Variants in RALGPS1 observed in about 807,000 individuals in gnomAD.
The protein encoded by RALGPS1 is Ral GEF with PH domain and SH3 binding motif 1, also known as ras-specific guanine nucleotide-releasing factor RalGPS1.
A neutral mutation model predicts 78.8 loss-of-function variants in RALGPS1; 19 were observed. The observed-to-expected ratio is 0.24, with a 90% CI of 0.17 to 0.35. The LOEUF is 0.35. Among genes scored for constraint, RALGPS1 ranks in the 10% least tolerant of loss-of-function variants. The pLI is 1.00. For synonymous variants in RALGPS1, 228 were observed against 256.3 expected (o/e 0.89, Z 1.06); for missense variants, 454 against 688.3 (o/e 0.66, Z 3.81).
intron 4 of RALGPS1, among the ~76,000 whole-genome samples, chr9:127,018,425 G>T (rs931936862): frequency 2.0e-5 from 3 of 152,030 alleles, no homozygotes; most frequent in African/African-American, 7.2e-5. Context: ...ATCACTTGAG[G>T]TCAGGAGTTC....
At chr9:127,096,052 C>G (rs1341965764) in intron 8 of RALGPS1, among the ~76,000 whole-genome samples, 2 of 152,178 alleles carry the variant, frequency 1.3e-5, no homozygotes, top group African/African-American at 4.8e-5. Flanking sequence ...GGCCTCTTCT[C>G]TAAGGGATGG....
chr9:127,021,497 CAAAA>C (rs397690141), intron 4 of RALGPS1, among the ~76,000 whole-genome samples: 3 of 113,588 alleles, frequency 2.6e-5, no homozygotes, highest in Non-Finnish European at 3.5e-5. Context: ...GACTCTGTCT[CAAAA>C]AAAAAAAAAA....
intron 7 of RALGPS1, among the ~76,000 whole-genome samples, chr9:127,063,887 T>G (rs1239413026): frequency 6.6e-6 from 1 of 151,908 alleles, no homozygotes; most frequent in Non-Finnish European, 1.5e-5. Context: ...AGTAATTGGG[T>G]TTTTCAGTTA....
chr9:127,028,335 T>A (rs927206933), intron 4 of RALGPS1, among the ~76,000 whole-genome samples: 1 of 152,268 alleles, frequency 6.6e-6, no homozygotes, highest in African/African-American at 2.4e-5. Flanking sequence ...TACCATCCAC[T>A]ACCTGTGTGG....
chr9:126,952,846 CAGAA>C (rs1424123776), intron 1 of RALGPS1, among the ~76,000 whole-genome samples: 2 of 152,120 alleles, frequency 1.3e-5, no homozygotes, highest in African/African-American at 4.8e-5. Flanking sequence ...GTGCATGACA[CAGAA>C]AGGAGGAAGA....
intron 5 of RALGPS1, among the ~76,000 whole-genome samples, chr9:127,034,715 C>T (rs2046714242): frequency 6.6e-6 from 1 of 152,206 alleles, no homozygotes; most frequent in South Asian, 2.1e-4. Flanking sequence ...ACATACCTTT[C>T]CTATGCTTAA....
intron 11 of RALGPS1, among the ~76,000 whole-genome samples, chr9:127,182,130 A>G (rs1273634801): frequency 6.6e-6 from 1 of 151,074 alleles, no homozygotes; most frequent in Admixed American, 6.6e-5. Context: ...TTGAGCCCAG[A>G]GTAGAGTTTG....
In RALGPS1 at chr9:127,221,563, C is replaced by T. The variant is rs1044149256; in HGVS notation, c.*2794C>T. 4 of 152,134 alleles carry T rather than the reference C, an allele frequency of 2.6e-5. No homozygotes were observed. The highest frequency in any genetic ancestry group is 4.4e-5 in the Non-Finnish European group (3 of 68,036). 9.4% of individuals were successfully genotyped at this position (152,134 alleles called of 1,614,324 possible). ...CAGGTGCATTCTGGCAACTGACATA[C>T]TTGATGGAGGATTGATTCGGTAGAG... On this transcript the variant is annotated 3_prime_UTR_variant, in exon 19 of 19. Transcript: ENST00000259351.
intron 7 of RALGPS1, among the ~76,000 whole-genome samples, chr9:127,067,493 T>C (rs1411613323): frequency 6.6e-6 from 1 of 152,198 alleles, no homozygotes; most frequent in East Asian, 1.9e-4. Flanking sequence ...CAGGGCTCCC[T>C]AATGCACCAG....
In RALGPS1 at chr9:127,091,569, C is replaced by A. The variant is rs1200026672; in HGVS notation, c.610+22213C>A. The A allele has an allele frequency of 4.7e-6, 7 of 1,491,068 alleles. No homozygotes were observed. Among genetic ancestry groups the A allele is most frequent in the Non-Finnish European group, 6.3e-6 (7 of 1,109,926 alleles). 92.4% of individuals were successfully genotyped at this position (1,491,068 alleles called of 1,614,324 possible). ...GGCAGCTTGGCCCAGCTGCTTCTCA[C>A]CCTGGGATCTTCCCGTTTCCAAGCC... On this transcript the variant is annotated intron_variant, in intron 8 of 18. Coordinates refer to ENST00000259351, the MANE Select transcript of RALGPS1 (RefSeq NM_014636.3). This position sits in a 1 kb window ranked among gnomAD's most constrained non-coding sequence, Gnocchi z 4.3.
chr9:126,989,994 AG>A, intron 4 of RALGPS1: 1 of 1,550,482 alleles, frequency 6.4e-7, no homozygotes, highest in Non-Finnish European at 8.7e-7. Context: ...CTGTGGGTCC[AG>A]GAACCTGACC....
chr9:127,028,563 G>C (rs563940565), intron 4 of RALGPS1, among the ~76,000 whole-genome samples: 1 of 152,168 alleles, frequency 6.6e-6, no homozygotes, highest in Non-Finnish European at 1.5e-5. Context: ...GAGTCCTACT[G>C]TCCAGGGACT....
At chr9:127,109,982 C>G (rs139431407) in intron 8 of RALGPS1, among the ~76,000 whole-genome samples, 2 of 152,206 alleles carry the variant, frequency 1.3e-5, no homozygotes, top group African/African-American at 2.4e-5. Flanking sequence ...CAGTCCTCAC[C>G]GTCTCCCCAA....
chr9:126,960,219 C>CCCTCCCTT lies in RALGPS1; in HGVS notation c.-65-2003_-65-2002insCCCTTCCT, dbSNP rs1554765760. ...TCCTTCCCTCCCTCCCTCCCTCCCT[C>CCCTCCCTT]CCTTCCTTCCTTCCTTTCTTCCTTT... On this transcript the variant is annotated intron_variant, in intron 1 of 18. Coordinates refer to ENST00000259351, the MANE Select transcript of RALGPS1 (RefSeq NM_014636.3). Among the ~76,000 whole-genome samples, 356 of 85,756 alleles carry CCCTCCCTT rather than the reference C, an allele frequency of 4.2e-3. 5 individuals are homozygous for CCCTCCCTT. The highest frequency in any genetic ancestry group is 0.014 in the African/African-American group (319 of 23,340). The allele number at this position is 85,756 out of a possible 152,430, so 56.3% of individuals were successfully genotyped here. A position where few individuals can be genotyped will look rare whatever the true frequency, so the allele number is the denominator to read the frequency against.
At position 127,091,224 on chromosome 9, in the gene RALGPS1, C is replaced by T. The variant is rs779959619; in HGVS notation, c.610+21868C>T. On this transcript the variant is annotated intron_variant, in intron 8 of 18. Transcript: ENST00000259351. This position sits in a 1 kb window ranked among gnomAD's most constrained non-coding sequence, Gnocchi z 4.3. Reference sequence around the variant, plus strand: ...TTCCAGATGCAGAAACTGAGACCCACGGAGATTTAGCAGTATGCCCAAGGA... The same window carrying T: ...TTCCAGATGCAGAAACTGAGACCCATGGAGATTTAGCAGTATGCCCAAGGA... Among the ~76,000 whole-genome samples, 2 of 152,212 alleles carry T rather than the reference C, an allele frequency of 1.3e-5. No individual in the cohort carries two copies. The highest frequency in any genetic ancestry group is 4.8e-5 in the African/African-American group (2 of 41,456).
rs528297677 is a variant in RALGPS1 at position 127,186,652 on chromosome 9, C to T, written c.911-8439C>T. ...TTGAATGGGAATTCTTCTGCTTCCGCGTCAGACCCAGGCTGTTGGTCAACA... is the reference window on the plus strand; with the variant it reads ...TTGAATGGGAATTCTTCTGCTTCCGTGTCAGACCCAGGCTGTTGGTCAACA... On this transcript the variant is annotated intron_variant, in intron 11 of 18. Transcript: ENST00000259351. Among the ~76,000 whole-genome samples, 40 of 152,346 alleles carry T rather than the reference C, an allele frequency of 2.6e-4. 1 individual carries two copies. In the East Asian group the frequency reaches 5.2e-3, roughly 20 times the overall value.
At chr9:126,986,670 A>G (rs2041831059) in intron 4 of RALGPS1, among the ~76,000 whole-genome samples, 1 of 152,232 alleles carries the variant, frequency 6.6e-6, no homozygotes, top group Admixed American at 6.5e-5. Context: ...ATGGAGCAGC[A>G]TCAAGGGGAA....
intron 6 of RALGPS1, among the ~76,000 whole-genome samples, chr9:127,051,559 C>T (rs1204243486): frequency 6.6e-6 from 1 of 152,158 alleles, no homozygotes; most frequent in African/African-American, 2.4e-5. Context: ...AAATTCAGTT[C>T]ACTTAGAGAA....
chr9:127,018,212 C>CAAACAAAACA (rs376104224), intron 4 of RALGPS1, among the ~76,000 whole-genome samples: 2 of 151,218 alleles, frequency 1.3e-5, no homozygotes, highest in Admixed American at 1.3e-4. Context: ...GACTCCGTCT[C>CAAACAAAACA]AAACAAAACA....
Sources: allele counts gnomAD v4.1 joint callset (sites outside exome capture counted in the v4.1 genomes callset), GRCh38; gene constraint gnomAD v4.1.1; non-coding constraint Gnocchi (gnomAD v3.1); transcripts MANE v1.5; gene names NCBI Gene and HGNC (gene_info 2026-07-23, HGNC 2026-07-21).